The following KCNH1 variants were observed in gnomAD, a reference collection of about 807,000 sequenced individuals.
KCNH1 encodes potassium voltage-gated channel subfamily H member 1, also known as voltage-gated delayed rectifier potassium channel KCNH1.
In KCNH1, 27 loss-of-function variants were observed where a neutral mutation model predicts 69.2. The ratio of observed to expected loss-of-function variants is 0.39; its 90% confidence interval spans 0.29 to 0.54. The LOEUF (loss-of-function observed/expected upper bound fraction) is 0.54. KCNH1 is among the 20% of genes least tolerant of loss of function. The pLI is 0.68. For synonymous variants in KCNH1, 456 were observed against 487.7 expected (o/e 0.93, Z 0.86); for missense variants, 798 against 1,261.6 (o/e 0.63, Z 5.57).
At chr1:211,100,130 G>A (rs1297571076) in intron 3 of KCNH1, among the ~76,000 whole-genome samples, 1 of 152,078 alleles carries the variant, frequency 6.6e-6, no homozygotes, top group Non-Finnish European at 1.5e-5. Context: ...CAAGTAGCTG[G>A]GATTACGGGC....
At chr1:210,926,033 C>T (rs746743245) in intron 6 of KCNH1, among the ~76,000 whole-genome samples, 29 of 152,230 alleles carry the variant, frequency 1.9e-4, no homozygotes, top group Non-Finnish European at 2.8e-4. Flanking sequence ...CCGAGGTGGG[C>T]GGATCACCTG....
intron 4 of KCNH1, among the ~76,000 whole-genome samples, chr1:211,089,834 AC>A (rs1367572695): frequency 2.0e-5 from 3 of 152,016 alleles, no homozygotes; most frequent in Admixed American, 2.0e-4. Context: ...GTGCTATGTC[AC>A]CCCCTTATCC....
intron 4 of KCNH1, among the ~76,000 whole-genome samples, chr1:211,086,651 C>T (rs903525195): frequency 4.6e-5 from 7 of 152,040 alleles, no homozygotes; most frequent in African/African-American, 1.7e-4. Flanking sequence ...TGGCTTTTCC[C>T]CTGTCTTGAC....
At chr1:211,000,911 G>A (rs1206442022) in intron 6 of KCNH1, among the ~76,000 whole-genome samples, 1 of 152,142 alleles carries the variant, frequency 6.6e-6, no homozygotes. Flanking sequence ...AAGAAATGGG[G>A]AAAGGATTCC....
intron 6 of KCNH1, among the ~76,000 whole-genome samples, chr1:210,958,032 G>A (rs1051173677): frequency 9.9e-5 from 15 of 152,188 alleles, no homozygotes; most frequent in Non-Finnish European, 1.5e-4. Context: ...AATTTGGCAT[G>A]TTTTTGTAGT....
chr1:210,695,888 C>T (rs537698159), intron 10 of KCNH1, among the ~76,000 whole-genome samples: 55 of 152,304 alleles, frequency 3.6e-4, no homozygotes, highest in African/African-American at 1.2e-3. Flanking sequence ...ACTCCCTTGC[C>T]GGCTAGTTTC....
intron 6 of KCNH1, among the ~76,000 whole-genome samples, chr1:210,991,483 C>G (rs1412767657): frequency 2.0e-5 from 3 of 151,940 alleles, no homozygotes; most frequent in Admixed American, 2.0e-4. Context: ...AGATGTTGGT[C>G]AAAGGGTACA....
chr1:211,009,617 C>CT (rs200927051), intron 6 of KCNH1, among the ~76,000 whole-genome samples: 1,691 of 137,040 alleles, frequency 0.012, 36 homozygotes, highest in African/African-American at 0.043. Context: ...TTTTTTTTTT[C>CT]TTTTTTTTTG....
intron 7 of KCNH1, among the ~76,000 whole-genome samples, chr1:210,870,687 T>C (rs1686220020): frequency 6.6e-6 from 1 of 152,184 alleles, no homozygotes; most frequent in South Asian, 2.1e-4. Context: ...TGTTGTCAAG[T>C]TGAAGATCCC....
At chr1:211,035,507 C>A (rs1451777443) in intron 5 of KCNH1, among the ~76,000 whole-genome samples, 1 of 151,700 alleles carries the variant, frequency 6.6e-6, no homozygotes, top group Non-Finnish European at 1.5e-5. Context: ...CTCGGCCTCC[C>A]AAAGTGCTGG....
intron 7 of KCNH1, among the ~76,000 whole-genome samples, chr1:210,815,813 G>T (rs572250758): frequency 6.6e-6 from 1 of 152,242 alleles, no homozygotes; most frequent in African/African-American, 2.4e-5. Flanking sequence ...GCCTAGTCCT[G>T]CCCACGAAGG....
At chr1:210,729,112 A>G (rs997743694) in intron 10 of KCNH1, among the ~76,000 whole-genome samples, 6 of 152,236 alleles carry the variant, frequency 3.9e-5, no homozygotes, top group African/African-American at 9.6e-5. Context: ...AAGGGTTAGA[A>G]GAAGTAATCA....
intron 3 of KCNH1, among the ~76,000 whole-genome samples, chr1:211,093,741 G>A (rs376017377): frequency 8.5e-5 from 13 of 152,206 alleles, no homozygotes; most frequent in East Asian, 3.9e-4. Flanking sequence ...CTCCTTTTTC[G>A]TGATCTGGTG....
intron 5 of KCNH1, among the ~76,000 whole-genome samples, chr1:211,055,562 C>T (rs1051907221): frequency 1.5e-4 from 23 of 152,282 alleles, no homozygotes; most frequent in African/African-American, 5.3e-4. Context: ...GTGAATGTGA[C>T]CCAGTAAGAT....
At chr1:210,718,487 T>C (rs368643292) in intron 10 of KCNH1, among the ~76,000 whole-genome samples, 3 of 70,782 alleles carry the variant, frequency 4.2e-5, no homozygotes, top group Non-Finnish European at 5.2e-5. Flanking sequence ...AATATATACA[T>C]ATATGTATAT....
intron 7 of KCNH1, among the ~76,000 whole-genome samples, chr1:210,833,801 T>C (rs1177073459): frequency 6.6e-6 from 1 of 152,102 alleles, no homozygotes. Flanking sequence ...AAAGGGCTAA[T>C]ATCCAGAATC....
chr1:210,714,915 C>G (rs1474768733), intron 10 of KCNH1, among the ~76,000 whole-genome samples: 3 of 152,164 alleles, frequency 2.0e-5, no homozygotes, highest in Non-Finnish European at 4.4e-5. Flanking sequence ...TGATGGTGCT[C>G]TGGATGTTTA....
At chr1:210,820,364 G>A (rs756761388) in intron 7 of KCNH1, among the ~76,000 whole-genome samples, 27 of 152,084 alleles carry the variant, frequency 1.8e-4, no homozygotes, top group African/African-American at 4.3e-4. Context: ...GGCCGGGTGC[G>A]GTGGGTCATG....
chr1:210,935,808 G>A (rs185759958), intron 6 of KCNH1, among the ~76,000 whole-genome samples: 45 of 152,290 alleles, frequency 3.0e-4, no homozygotes, highest in African/African-American at 8.9e-4. Context: ...CAACATCTAC[G>A]ACCGGAGAGA....
Sources: gnomAD v4.1 joint callset for allele counts (sites outside exome capture counted in the v4.1 genomes callset) on GRCh38, gnomAD v4.1.1 for gene constraint, MANE v1.5 for transcripts, NCBI Gene and HGNC (gene_info 2026-07-23, HGNC 2026-07-21) for gene names.